LUZP2: variants seen among roughly 807,000 people sequenced by gnomAD.
LUZP2 encodes leucine zipper protein 2.
In LUZP2, 52 loss-of-function variants were observed where a neutral mutation model predicts 51.6. That is an observed-to-expected ratio of 1.01 (90% CI 0.81 to 1.27). The LOEUF (loss-of-function observed/expected upper bound fraction) is 1.27, where lower values mean the gene tolerates loss of function less well. Ranked by LOEUF, LUZP2 falls within the 50% of genes most tolerant of loss-of-function variation. The probability of loss-of-function intolerance (pLI) is 0.00; values close to 1 mark genes in which losing one functional copy is unlikely to be tolerated. For missense variants in LUZP2, 436 were observed against 395.4 expected, an observed-to-expected ratio of 1.10 and a Z score of -0.87; for synonymous variants, 154 against 137.3, an observed-to-expected ratio of 1.12 and a Z score of -0.85.
At position 24,777,195 on chromosome 11, in the gene LUZP2, G is replaced by A. The variant is rs182310238; in HGVS notation, c.396+13887G>A. ...TTTTTAGTAGATTCGGGGTTTCACC[G>A]TGTTAGCCAGGATGGTCTTGATCTT... On this transcript the variant is annotated intron_variant, in intron 5 of 11. Coordinates refer to ENST00000336930, the MANE Select transcript of LUZP2 (RefSeq NM_001009909.4). Among the ~76,000 whole-genome samples the A allele has an allele frequency of 5.9e-4, 90 of 151,906 alleles. 1 individual carries two copies. In the East Asian group the frequency reaches 0.014, roughly 24 times the overall value.
chr11:24,868,846 T>A (rs1723279411), intron 5 of LUZP2, among the ~76,000 whole-genome samples: 1 of 152,102 alleles, frequency 6.6e-6, no homozygotes, highest in African/African-American at 2.4e-5. Context: ...ATAATCCATA[T>A]CAAAGACAAT....
intron 9 of LUZP2, among the ~76,000 whole-genome samples, chr11:25,030,641 G>T (rs1857617962): frequency 6.6e-6 from 1 of 150,762 alleles, no homozygotes; most frequent in Non-Finnish European, 1.5e-5. Flanking sequence ...TAGCTCACTG[G>T]GTCTTAAGTT....
intron 5 of LUZP2, among the ~76,000 whole-genome samples, chr11:24,865,113 G>A (rs1851850752): frequency 6.6e-6 from 1 of 152,140 alleles, no homozygotes; most frequent in Non-Finnish European, 1.5e-5. Flanking sequence ...TTTATAGCAT[G>A]AGAGGAAAAG....
At chr11:24,678,079 G>C (rs1185101213) in intron 1 of LUZP2, among the ~76,000 whole-genome samples, 7 of 136,320 alleles carry the variant, frequency 5.1e-5, no homozygotes, top group East Asian at 2.6e-4. Context: ...GGAGAAAGGG[G>C]GGGGGGGGTG....
At chr11:24,752,632 C>T (rs1019284122) in intron 4 of LUZP2, among the ~76,000 whole-genome samples, 1 of 151,898 alleles carries the variant, frequency 6.6e-6, no homozygotes, top group Non-Finnish European at 1.5e-5. Context: ...TATAAATTTT[C>T]TATATTTTAA....
chr11:24,880,986 G>T (rs541969930), intron 5 of LUZP2, among the ~76,000 whole-genome samples: 22 of 152,226 alleles, frequency 1.4e-4, no homozygotes, highest in Non-Finnish European at 2.8e-4. Flanking sequence ...ATGCAATTTT[G>T]GGAAGAAGAC....
intron 1 of LUZP2, among the ~76,000 whole-genome samples, chr11:24,695,059 G>A (rs10400246): frequency 0.013 from 1,952 of 151,980 alleles, 51 homozygotes; most frequent in African/African-American, 0.045. Context: ...AAACCTGCAT[G>A]TTCAGCACAT....
At chr11:24,666,326 G>T (rs1324987103) in intron 1 of LUZP2, among the ~76,000 whole-genome samples, 1 of 152,084 alleles carries the variant, frequency 6.6e-6, no homozygotes, top group Non-Finnish European at 1.5e-5. Flanking sequence ...ATACATGGGT[G>T]CCTGTAGTTA....
chr11:24,919,954 A>G (rs1280110647), intron 7 of LUZP2, among the ~76,000 whole-genome samples: 1 of 151,746 alleles, frequency 6.6e-6, no homozygotes, highest in African/African-American at 2.4e-5. Flanking sequence ...AAGAAATTTT[A>G]TGAATGAATA....
chr11:24,710,391 G>T (rs1227391878), intron 1 of LUZP2, among the ~76,000 whole-genome samples: 1 of 151,964 alleles, frequency 6.6e-6, no homozygotes, highest in Non-Finnish European at 1.5e-5. Context: ...GCTCCTATCA[G>T]TCACCAAGCA....
intron 1 of LUZP2, among the ~76,000 whole-genome samples, chr11:24,613,164 T>A (rs978129735): frequency 6.6e-6 from 1 of 152,142 alleles, no homozygotes; most frequent in African/African-American, 2.4e-5. Flanking sequence ...AGTGTTTTCC[T>A]GTTCTACAGA....
chr11:25,069,597 A>G (rs1205157918), intron 10 of LUZP2, among the ~76,000 whole-genome samples: 1 of 151,804 alleles, frequency 6.6e-6, no homozygotes, highest in Non-Finnish European at 1.5e-5. Flanking sequence ...ACTAATATAT[A>G]CATAAAATAG....
intron 1 of LUZP2, among the ~76,000 whole-genome samples, chr11:24,548,038 G>A (rs756206782): frequency 3.9e-5 from 6 of 151,994 alleles, no homozygotes; most frequent in African/African-American, 9.6e-5. Flanking sequence ...ATTATTAAAA[G>A]GTCAAAAAAT....
chr11:24,805,813 C>T lies in LUZP2; in HGVS notation c.396+42505C>T, dbSNP rs78822132. Among the ~76,000 whole-genome samples, 677 of 152,128 alleles carry T rather than the reference C, an allele frequency of 4.5e-3. 20 individuals are homozygous for T. The East Asian group carries it at 0.095, about 21-fold the overall frequency. On this transcript the variant is annotated intron_variant, in intron 5 of 11. Coordinates refer to ENST00000336930, the MANE Select transcript of LUZP2 (RefSeq NM_001009909.4). ...GCAGCAGAGTAATGGAGAAGTAAGA[C>T]GAGAAAGGGAAGGCAGCCAGTTGAG...
chr11:24,850,843 G>C (rs1267978802), intron 5 of LUZP2, among the ~76,000 whole-genome samples: 1 of 152,106 alleles, frequency 6.6e-6, no homozygotes, highest in Non-Finnish European at 1.5e-5. Context: ...CACATCCCTT[G>C]TAAGTTGTAT....
intron 10 of LUZP2, among the ~76,000 whole-genome samples, chr11:25,059,365 A>G (rs1858771421): frequency 6.6e-6 from 1 of 152,222 alleles, no homozygotes; most frequent in African/African-American, 2.4e-5. Flanking sequence ...GAGAGCAGGA[A>G]TAGAGTATAA....
chr11:24,777,301 G>A (rs1682721782), intron 5 of LUZP2, among the ~76,000 whole-genome samples: 1 of 152,090 alleles, frequency 6.6e-6, no homozygotes, highest in Non-Finnish European at 1.5e-5. Flanking sequence ...CCTGTAAGTA[G>A]TCTTTACTTA....
rs553696425 is a variant in LUZP2, at chr11:25,081,029, A to ATTTTTTTTTTTTTTTTTT, written c.*2375_*2392dup. On this transcript the variant is annotated 3_prime_UTR_variant, in exon 12 of 12. Transcript: ENST00000336930. ...ATCAAGTGGGCTTTGGATCCATATG[A>ATTTTTTTTTTTTTTTTTT]TTTTTTTTTTTTTTTTTTTTTGAGA... The ATTTTTTTTTTTTTTTTTT allele has an allele frequency of 3.8e-4, 38 of 100,712 alleles. 1 individual carries two copies. Among genetic ancestry groups the ATTTTTTTTTTTTTTTTTT allele is most frequent in the African/African-American group, 1.3e-3 (35 of 26,546 alleles). 6.2% of individuals were successfully genotyped at this position (100,712 alleles called of 1,614,324 possible). A position where few individuals can be genotyped will look rare whatever the true frequency, so the allele number is the denominator to read the frequency against.
intron 1 of LUZP2, among the ~76,000 whole-genome samples, chr11:24,539,692 G>A (rs777984179): frequency 7.2e-5 from 11 of 151,932 alleles, no homozygotes; most frequent in Non-Finnish European, 1.6e-4. Flanking sequence ...CATATATATA[G>A]GAAGCAAGTC....
Sources: allele counts gnomAD v4.1 joint callset (sites outside exome capture counted in the v4.1 genomes callset), GRCh38; gene constraint gnomAD v4.1.1; transcripts MANE v1.5; gene names NCBI Gene and HGNC (gene_info 2026-07-23, HGNC 2026-07-21).